Variants in IGSF11 observed in about 807,000 individuals in gnomAD.
IGSF11 encodes the protein immunoglobulin superfamily member 11.
Under a neutral mutation model 41.0 loss-of-function variants are expected in IGSF11, and 22 were observed. That is an observed-to-expected ratio of 0.54 (90% CI 0.38 to 0.77). The LOEUF (loss-of-function observed/expected upper bound fraction) is 0.77. Ranked by LOEUF, IGSF11 falls within the 30% of genes least tolerant of loss-of-function variation. The probability of loss-of-function intolerance (pLI) is 0.00; values close to 1 mark genes in which losing one functional copy is unlikely to be tolerated. For missense variants in IGSF11, 444 were observed against 530.8 expected (o/e 0.84, Z 1.61); for synonymous variants, 219 against 201.3 (o/e 1.09, Z -0.74).
At chr3:119,022,770 T>C (rs1271863654) in intron 1 of IGSF11, among the ~76,000 whole-genome samples, 1 of 152,048 alleles carries the variant, frequency 6.6e-6, no homozygotes, top group Non-Finnish European at 1.5e-5. Flanking sequence ...GTAAAGGAAA[T>C]GAAACTCTCA....
chr3:119,055,973 T>C (rs567343678), intron 1 of IGSF11, among the ~76,000 whole-genome samples: 36 of 152,212 alleles, frequency 2.4e-4, no homozygotes, highest in African/African-American at 8.7e-4. Flanking sequence ...TTCAAAGCAG[T>C]GTGTAGAGGG....
At chr3:119,120,844 G>A (rs558957123) in intron 1 of IGSF11, among the ~76,000 whole-genome samples, 91 of 152,270 alleles carry the variant, frequency 6.0e-4, no homozygotes, top group African/African-American at 2.0e-3. Flanking sequence ...CCTAGTTTAC[G>A]TAACTATGAC....
chr3:119,001,408 T>G (rs1430899841), intron 1 of IGSF11, among the ~76,000 whole-genome samples: 3 of 151,486 alleles, frequency 2.0e-5, no homozygotes, highest in Non-Finnish European at 4.4e-5. Flanking sequence ...CACGCAGTGG[T>G]AACTCAAAAG....
intron 1 of IGSF11, among the ~76,000 whole-genome samples, chr3:118,952,042 T>A (rs1293220752): frequency 6.6e-6 from 1 of 152,180 alleles, no homozygotes; most frequent in African/African-American, 2.4e-5. Context: ...AAGTCATACA[T>A]ATTTTTTGGT....
chr3:119,049,871 C>A (rs1337732129), intron 1 of IGSF11, among the ~76,000 whole-genome samples: 2 of 147,798 alleles, frequency 1.4e-5, no homozygotes, highest in Non-Finnish European at 3.0e-5. Flanking sequence ...TGATCTTTGA[C>A]AAACCTGACA....
chr3:118,989,420 T>C (rs1018462502), intron 1 of IGSF11, among the ~76,000 whole-genome samples: 1 of 151,946 alleles, frequency 6.6e-6, no homozygotes, highest in Non-Finnish European at 1.5e-5. Flanking sequence ...TGGCGCAATC[T>C]CAGCTCACTG....
At position 118,905,547 on chromosome 3, in the gene IGSF11, T is replaced by C. The variant is rs1287468422; in HGVS notation, c.703+49A>G. 3.1e-6 allele frequency: 5 copies of C among 1,602,210 alleles called. No homozygotes were observed. In the African/African-American group the frequency reaches 6.7e-5, roughly 21 times the overall value. ...CCTTCATTTTCTGGTATAACAAAGATCTTAGAGTTTCAGACCCATGGTTGA... is the reference window on the plus strand; with the variant it reads ...CCTTCATTTTCTGGTATAACAAAGACCTTAGAGTTTCAGACCCATGGTTGA... On this transcript the variant is annotated intron_variant, in intron 5 of 6. Coordinates refer to ENST00000393775, the MANE Select transcript of IGSF11 (RefSeq NM_001015887.3).
Position 118,926,239 on chromosome 3 carries a change from G to C in IGSF11, c.442C>G (p.His148Asp). 1 of 1,598,400 alleles carries C rather than the reference G, an allele frequency of 6.3e-7. No individual in the cohort carries two copies. The highest frequency in any genetic ancestry group is 8.5e-7 in the Non-Finnish European group (1 of 1,169,640). The change falls in exon 4 of 7, where the codon CAC becomes GAC. Residue 148 changes from histidine (H) to aspartate (D), a missense_variant. By Grantham distance (81) the His-to-Asp change is moderately conservative. Around this residue, in one of 3 missense-constraint regions of IGSF11, gnomAD observed 193 missense variants for 283.5 expected, o/e 0.68. Transcript: ENST00000393775. ...TCCTGGGATCCTTGGATTTGGCAGT[G>C]TGGGGCAGAAGGGGGAACTATAACA... ...LTVLVPPSAPHCQIQGSQDIG... is the reference protein window; with the variant it reads ...LTVLVPPSAPDCQIQGSQDIG...
chr3:119,100,861 T>C (rs1278225266), intron 1 of IGSF11, among the ~76,000 whole-genome samples: 1 of 152,178 alleles, frequency 6.6e-6, no homozygotes, highest in African/African-American at 2.4e-5. Flanking sequence ...TGTTCACAAA[T>C]ATGTAAATCG....
At chr3:118,936,086 G>A (rs1157020634) in intron 1 of IGSF11, among the ~76,000 whole-genome samples, 1 of 151,556 alleles carries the variant, frequency 6.6e-6, no homozygotes, top group Admixed American at 6.6e-5. Context: ...GTGTTTTTTT[G>A]CATTTTTGAT....
At chr3:119,052,286 T>G (rs550530880) in intron 1 of IGSF11, among the ~76,000 whole-genome samples, 1 of 151,924 alleles carries the variant, frequency 6.6e-6, no homozygotes, top group East Asian at 1.9e-4. Flanking sequence ...TCGAGACAAG[T>G]CTGGCCAACA....
At chr3:118,964,407 A>G (rs1442059974) in intron 1 of IGSF11, among the ~76,000 whole-genome samples, 1 of 152,138 alleles carries the variant, frequency 6.6e-6, no homozygotes, top group Non-Finnish European at 1.5e-5. Context: ...AGGGAAAAAA[A>G]GGGGTCAGGA....
At chr3:118,924,073 T>C (rs925478248) in intron 4 of IGSF11, among the ~76,000 whole-genome samples, 1 of 152,168 alleles carries the variant, frequency 6.6e-6, no homozygotes, top group African/African-American at 2.4e-5. Context: ...TACACATTAG[T>C]TGGCATCATA....
At chr3:119,057,138 G>A (rs1941873530) in intron 1 of IGSF11, among the ~76,000 whole-genome samples, 1 of 152,144 alleles carries the variant, frequency 6.6e-6, no homozygotes, top group Admixed American at 6.5e-5. Flanking sequence ...TTAGGCAGGA[G>A]AAGGAAATAA....
chr3:119,049,426 G>A (rs932706829), intron 1 of IGSF11, among the ~76,000 whole-genome samples: 22 of 152,126 alleles, frequency 1.4e-4, no homozygotes, highest in African/African-American at 5.3e-4. Flanking sequence ...AAATACTTAG[G>A]AATCCAACTT....
chr3:119,097,039 T>C (rs889484191), intron 1 of IGSF11, among the ~76,000 whole-genome samples: 2 of 152,210 alleles, frequency 1.3e-5, no homozygotes, highest in African/African-American at 2.4e-5. Flanking sequence ...TAAGATTTAT[T>C]ACACTGGATC....
intron 1 of IGSF11, among the ~76,000 whole-genome samples, chr3:118,955,899 T>G (rs547694834): frequency 6.6e-6 from 1 of 152,196 alleles, no homozygotes; most frequent in Non-Finnish European, 1.5e-5. Context: ...ATGAAAGTCC[T>G]AGATGGCATT....
At chr3:118,924,736 T>C (rs1942137937) in intron 4 of IGSF11, among the ~76,000 whole-genome samples, 1 of 152,076 alleles carries the variant, frequency 6.6e-6, no homozygotes, top group Admixed American at 6.6e-5. Flanking sequence ...CTGTCAATTG[T>C]TCACTTAAAA....
intron 3 of IGSF11, among the ~76,000 whole-genome samples, chr3:118,926,465 C>T (rs1942317266): frequency 6.6e-6 from 1 of 152,086 alleles, no homozygotes; most frequent in Admixed American, 6.6e-5. Context: ...CTTTGGTAAG[C>T]AGGGGGCAAA....
Sources: allele counts gnomAD v4.1 joint callset (sites outside exome capture counted in the v4.1 genomes callset), GRCh38; gene constraint gnomAD v4.1.1; regional missense constraint gnomAD v4.1.1; transcripts MANE v1.5; gene names NCBI Gene and HGNC (gene_info 2026-07-23, HGNC 2026-07-21).